HSD17B4: variants seen among roughly 807,000 people sequenced by gnomAD.
HSD17B4 encodes hydroxysteroid 17-beta dehydrogenase 4.
Under a neutral mutation model 101.0 loss-of-function variants are expected in HSD17B4, and 70 were observed. The ratio of observed to expected loss-of-function variants is 0.69; its 90% CI spans 0.57 to 0.85. The LOEUF (loss-of-function observed/expected upper bound fraction) is 0.85, where lower values mean the gene tolerates loss of function less well. HSD17B4 is among the 40% of genes least tolerant of loss of function. The pLI is 0.00. For missense variants in HSD17B4, 984 were observed against 892.4 expected (o/e 1.10, Z -1.31); for synonymous variants, 347 against 297.1 (o/e 1.17, Z -1.73).
chr5:119,531,881 T>G (rs1339934837), intron 22 of HSD17B4, among the ~76,000 whole-genome samples: 1 of 152,128 alleles, frequency 6.6e-6, no homozygotes, highest in East Asian at 1.9e-4. Context: ...ATATACAGAT[T>G]ATGGTCAAAG....
At chr5:119,454,069 T>C (rs1754351321) in intron 1 of HSD17B4, among the ~76,000 whole-genome samples, 1 of 152,214 alleles carries the variant, frequency 6.6e-6, no homozygotes, top group Non-Finnish European at 1.5e-5. Context: ...TTTACACCAG[T>C]ACTCAGTACA....
chr5:119,479,307 T>G (rs994212038), intron 8 of HSD17B4, among the ~76,000 whole-genome samples: 1 of 152,190 alleles, frequency 6.6e-6, no homozygotes, highest in Non-Finnish European at 1.5e-5. Flanking sequence ...TCTTCCTGTT[T>G]CATAATAATT....
At chr5:119,481,857 T>A (rs1479944298) in intron 8 of HSD17B4, among the ~76,000 whole-genome samples, 1 of 152,196 alleles carries the variant, frequency 6.6e-6, no homozygotes, top group Non-Finnish European at 1.5e-5. Flanking sequence ...GTTACATGGT[T>A]TCAGAAAGGA....
intron 14 of HSD17B4, among the ~76,000 whole-genome samples, chr5:119,506,018 T>C (rs1260303444): frequency 6.6e-6 from 1 of 152,192 alleles, no homozygotes; most frequent in Non-Finnish European, 1.5e-5. Flanking sequence ...AGGAACATTA[T>C]TATTATTTTT....
Position 119,496,629 on chromosome 5 carries a change from A to G in HSD17B4, c.955A>G (p.Thr319Ala), listed in dbSNP as rs1472548132. Residue 319 changes from threonine to alanine, a missense_variant, in exon 12 of 24, where the codon ACA becomes GCA. Physicochemically the swap from Thr to Ala is moderately conservative, Grantham distance 58. Coordinates refer to ENST00000510025, the MANE Select transcript of HSD17B4 (RefSeq NM_000414.4). ...SANHTSRATS[T>A]ATSGFAGAIG... ...AAATCATACTAGTCGTGCAACGTCTACAGCAACATCAGGATTTGTAAGTGG... is the reference window on the plus strand; with the variant it reads ...AAATCATACTAGTCGTGCAACGTCTGCAGCAACATCAGGATTTGTAAGTGG... The G allele has an allele frequency of 1.3e-6, 2 of 1,592,964 alleles. No homozygotes were observed. Among genetic ancestry groups the G allele is most frequent in the Admixed American group, 1.7e-5 (1 of 59,994 alleles).
chr5:119,488,049 A>G (rs1749766012), intron 8 of HSD17B4, among the ~76,000 whole-genome samples: 2 of 152,162 alleles, frequency 1.3e-5, no homozygotes, highest in Non-Finnish European at 2.9e-5. Flanking sequence ...TAACACATTA[A>G]TACAAAATTG....
intron 1 of HSD17B4, among the ~76,000 whole-genome samples, chr5:119,454,939 G>T (rs1754453672): frequency 6.6e-6 from 1 of 152,004 alleles, no homozygotes; most frequent in African/African-American, 2.4e-5. Context: ...GTTTTTGGAA[G>T]GGGCTAATAA....
chr5:119,501,506 T>A (rs1751162093), intron 13 of HSD17B4, among the ~76,000 whole-genome samples: 1 of 152,148 alleles, frequency 6.6e-6, no homozygotes, highest in African/African-American at 2.4e-5. Context: ...CACAGTGTCC[T>A]TAGTATCTAC....
At chr5:119,491,992 C>T in intron 9 of HSD17B4, 108 bp from the exon 10 acceptor site, 1 of 864,616 alleles carries the variant, frequency 1.2e-6, no homozygotes, top group Non-Finnish European at 2.0e-6. Context: ...CTCCTGTTGC[C>T]TTGAATTCTA....
chr5:119,478,047 G>A (rs1272645827), intron 7 of HSD17B4: 1 of 160,254 alleles, frequency 6.2e-6, no homozygotes, highest in African/African-American at 2.4e-5. Context: ...TTGAGGATTC[G>A]GTTATACCTT....
At chr5:119,460,452 A>G (rs888708838) in intron 2 of HSD17B4, among the ~76,000 whole-genome samples, 2 of 152,230 alleles carry the variant, frequency 1.3e-5, no homozygotes, top group African/African-American at 4.8e-5. Flanking sequence ...CTCCATGACT[A>G]TCACCAATCT....
intron 20 of HSD17B4, among the ~76,000 whole-genome samples, chr5:119,527,857 T>TAA (rs1377062786): frequency 6.6e-6 from 1 of 152,010 alleles, no homozygotes; most frequent in East Asian, 1.9e-4. Flanking sequence ...CATCACAGAG[T>TAA]CTGGGCCTAA....
chr5:119,477,389 A>G, intron 6 of HSD17B4, 28 bp from the exon 7 acceptor site: 1 of 1,483,394 alleles, frequency 6.7e-7, no homozygotes. Flanking sequence ...TTTACAAAAT[A>G]TTTAATAAAA....
intron 22 of HSD17B4, 26 bp from the exon 23 acceptor site, chr5:119,536,397 C>A: frequency 1.2e-6 from 2 of 1,606,690 alleles, no homozygotes; most frequent in South Asian, 1.1e-5. Flanking sequence ...AAAAGATACA[C>A]ATTGGTTTCT....
chr5:119,476,986 A>C (rs1748647964), intron 6 of HSD17B4, among the ~76,000 whole-genome samples: 1 of 152,216 alleles, frequency 6.6e-6, no homozygotes, highest in African/African-American at 2.4e-5. Flanking sequence ...ACTCATTTGC[A>C]AATGGTAACA....
chr5:119,542,093 G>C lies in HSD17B4; in HGVS notation c.*99G>C. 1.3e-6 allele frequency: 1 copy of C among 799,800 alleles called. No homozygotes were observed. Among genetic ancestry groups the C allele is most frequent in the South Asian group, 1.5e-5 (1 of 67,842 alleles). 49.5% of individuals were successfully genotyped at this position (799,800 alleles called of 1,614,324 possible). A position where few individuals can be genotyped will look rare whatever the true frequency, so the allele number is the denominator to read the frequency against. Reference sequence around the variant, plus strand: ...CAAAAGTGATTAGAACTAAGATGCAGGGGAAATTGCTTAACATTTTCAGAT... The same window carrying C: ...CAAAAGTGATTAGAACTAAGATGCACGGGAAATTGCTTAACATTTTCAGAT... On this transcript the variant is annotated 3_prime_UTR_variant, in exon 24 of 24. Transcript: ENST00000510025.
intron 10 of HSD17B4, 199 bp downstream of exon 10, chr5:119,492,323 C>A: frequency 1.7e-6 from 1 of 604,986 alleles, no homozygotes; most frequent in Non-Finnish European, 3.0e-6. Context: ...CCTTTCAAGA[C>A]CCTATCTATT....
At chr5:119,511,661 C>T (rs1018117030) in intron 16 of HSD17B4, among the ~76,000 whole-genome samples, 15 of 152,006 alleles carry the variant, frequency 9.9e-5, no homozygotes, top group Non-Finnish European at 1.3e-4. Flanking sequence ...ACTGCACCTA[C>T]TCAAGGTACA....
chr5:119,539,344 C>A (rs950535524), intron 23 of HSD17B4, among the ~76,000 whole-genome samples: 1 of 150,242 alleles, frequency 6.7e-6, no homozygotes, highest in Admixed American at 6.7e-5. Flanking sequence ...GGACAAAAAA[C>A]CAAACACCGC....
Sources: gnomAD v4.1 joint callset for allele counts (sites outside exome capture counted in the v4.1 genomes callset) on GRCh38, gnomAD v4.1.1 for gene constraint, MANE v1.5 for transcripts, NCBI Gene and HGNC (gene_info 2026-07-23, HGNC 2026-07-21) for gene names.